KIF13A: variants seen among roughly 807,000 people sequenced by gnomAD.
KIF13A encodes the protein kinesin family member 13A, also known as kinesin-like protein KIF13A.
Under a neutral mutation model 212.2 loss-of-function variants are expected in KIF13A, and 79 were observed. The ratio of observed to expected loss-of-function variants is 0.37; its 90% CI spans 0.31 to 0.45. The LOEUF is 0.45. Ranked by LOEUF, KIF13A falls within the 20% of genes least tolerant of loss-of-function variation. KIF13A has a pLI of 1.00. For missense variants in KIF13A, 1,901 were observed against 2,209.0 expected (o/e 0.86, Z 2.79); for synonymous variants, 789 against 808.6 (o/e 0.98, Z 0.41).
In KIF13A at chr6:17,912,890, T is replaced by C. The variant is rs1341577955; in HGVS notation, c.147-14710A>G. ...GTTGAGAACATATTTCTATAATTTC[T>C]CCTTTTCAGAACTCTTCTGAAACTT... is the stretch of plus-strand genomic sequence containing the variant. On this transcript the variant is annotated intron_variant, in intron 2 of 38. Transcript: ENST00000259711. The surrounding 1 kb of genome is among the most constrained non-coding windows in gnomAD (Gnocchi z 4.2). Among the ~76,000 whole-genome samples, 1 of 152,098 alleles carries C rather than the reference T, an allele frequency of 6.6e-6. No individual in the cohort carries two copies. Among genetic ancestry groups the C allele is most frequent in the African/African-American group, 2.4e-5 (1 of 41,414 alleles).
chr6:17,853,624 A>G (rs1250927293), intron 6 of KIF13A, among the ~76,000 whole-genome samples: 1 of 152,218 alleles, frequency 6.6e-6, no homozygotes, highest in Non-Finnish European at 1.5e-5. Context: ...TATTGATGTA[A>G]CCATGCAATG....
intron 2 of KIF13A, among the ~76,000 whole-genome samples, chr6:17,972,532 T>C (rs1779894907): frequency 1.3e-5 from 2 of 152,244 alleles, no homozygotes; most frequent in Admixed American, 1.3e-4. Context: ...AATGTAAGTA[T>C]GTTTAAAGGC....
chr6:17,859,614 T>C (rs988757330), intron 4 of KIF13A, among the ~76,000 whole-genome samples: 8 of 140,268 alleles, frequency 5.7e-5, no homozygotes, highest in Non-Finnish European at 9.3e-5. Context: ...CTGCTGGCAA[T>C]GTATTTTATA....
At chr6:17,943,545 G>T (rs970209414) in intron 2 of KIF13A, among the ~76,000 whole-genome samples, 3 of 151,846 alleles carry the variant, frequency 2.0e-5, no homozygotes, top group African/African-American at 7.3e-5. Flanking sequence ...ACCGCACCCA[G>T]CCAAGTTTCT....
intron 25 of KIF13A, among the ~76,000 whole-genome samples, chr6:17,792,789 T>C (rs1024995889): frequency 6.6e-6 from 1 of 152,202 alleles, no homozygotes; most frequent in African/African-American, 2.4e-5. Flanking sequence ...TGAAGTTCAA[T>C]AGTCTGTGCA....
chr6:17,879,322 G>T (rs1472638191), intron 3 of KIF13A, among the ~76,000 whole-genome samples: 2 of 152,200 alleles, frequency 1.3e-5, no homozygotes, highest in African/African-American at 4.8e-5. Context: ...TACAGGGCAG[G>T]CACTGTATGT....
At chr6:17,873,516 T>C in intron 3 of KIF13A, 79 bp from the exon 4 acceptor site, 1 of 1,020,282 alleles carries the variant, frequency 9.8e-7, no homozygotes, top group Non-Finnish European at 1.5e-6. Flanking sequence ...AAATCACAGG[T>C]GAAGATGAGA....
At chr6:17,833,564 G>C (rs1201618025) in intron 12 of KIF13A, among the ~76,000 whole-genome samples, 1 of 145,890 alleles carries the variant, frequency 6.9e-6, no homozygotes, top group Admixed American at 6.9e-5. Context: ...GCCCTTAAAA[G>C]ACTTTCTGAG....
At chr6:17,853,091 G>C (rs889716204) in intron 6 of KIF13A, among the ~76,000 whole-genome samples, 3 of 152,082 alleles carry the variant, frequency 2.0e-5, no homozygotes, top group African/African-American at 7.2e-5. Flanking sequence ...CCAATATATG[G>C]GAAAAAGGAG....
chr6:17,866,882 C>T (rs893000858), intron 4 of KIF13A, among the ~76,000 whole-genome samples: 1 of 139,436 alleles, frequency 7.2e-6, no homozygotes, highest in African/African-American at 2.7e-5. Flanking sequence ...TATATTTACA[C>T]ACACACATAT....
downstream of KIF13A, among the ~76,000 whole-genome samples, chr6:17,762,594 A>C (rs903918946): frequency 1.3e-5 from 2 of 152,190 alleles, no homozygotes; most frequent in African/African-American, 4.8e-5. Flanking sequence ...AAGCAAACCT[A>C]ATCTTACAGT....
Position 17,950,758 on chromosome 6 carries a change from C to T in KIF13A, c.146+36296G>A, listed in dbSNP as rs148862114. 1.8e-5 allele frequency: 18 copies of T among 981,008 alleles called. No individual in the cohort carries two copies. The East Asian group carries it at 1.9e-3, about 106-fold the overall frequency. 60.8% of individuals were successfully genotyped at this position (981,008 alleles called of 1,614,324 possible). On this transcript the variant is annotated intron_variant, in intron 2 of 38. Transcript: ENST00000259711. ...ACTCAAAAGATACTTAGAAATAACC[C>T]TTATCCACCCAACTAGAAAAATCTC...
intron 2 of KIF13A, among the ~76,000 whole-genome samples, chr6:17,948,793 T>C (rs1022064980): frequency 6.6e-6 from 1 of 151,996 alleles, no homozygotes; most frequent in Non-Finnish European, 1.5e-5. Flanking sequence ...CTCAAACTCC[T>C]GACCTCAAAT....
Position 17,987,567 on chromosome 6 carries a change from C to T in KIF13A, c.-104G>A. 1 of 562,838 alleles carries T rather than the reference C, an allele frequency of 1.8e-6. No individual in the cohort carries two copies. The highest frequency in any genetic ancestry group is 2.2e-6 in the Non-Finnish European group (1 of 445,794). The allele number at this position is 562,838 out of a possible 1,614,324, so 34.9% of individuals were successfully genotyped here. Reference sequence around the variant, plus strand: ...CAGCCGCGCGCCCCTCGAGCGCGGCCGCCGCCGCTCCGCCGTGAGCTCCGA... The same window carrying T: ...CAGCCGCGCGCCCCTCGAGCGCGGCTGCCGCCGCTCCGCCGTGAGCTCCGA... On this transcript the variant is annotated 5_prime_UTR_variant, in exon 1 of 39. Transcript: ENST00000259711. The surrounding 1 kb of genome is among the most constrained non-coding windows in gnomAD (Gnocchi z 7.7).
intron 4 of KIF13A, among the ~76,000 whole-genome samples, chr6:17,869,017 A>AC (rs1769720109): frequency 6.8e-6 from 1 of 146,070 alleles, no homozygotes; most frequent in Non-Finnish European, 1.5e-5. Flanking sequence ...AAAAAAAAAA[A>AC]AAACACAAAT....
At chr6:17,827,885 T>C (rs1765110363) in intron 14 of KIF13A, among the ~76,000 whole-genome samples, 1 of 152,134 alleles carries the variant, frequency 6.6e-6, no homozygotes, top group African/African-American at 2.4e-5. Context: ...AAATAGTTAA[T>C]TGAAGGTTAA....
chr6:17,936,872 G>C (rs563877321), intron 2 of KIF13A, among the ~76,000 whole-genome samples: 13 of 152,274 alleles, frequency 8.5e-5, no homozygotes, highest in Non-Finnish European at 2.9e-5. Context: ...CAACCAGAAT[G>C]TTTGTTAGGG....
chr6:17,986,962 A>G lies in KIF13A; in HGVS notation c.146+92T>C. On this transcript the variant is annotated intron_variant, in intron 2 of 38. Coordinates refer to ENST00000259711, the MANE Select transcript of KIF13A (RefSeq NM_022113.6). ...ACAAACTTGAAGCCGTCCTCCTAAC[A>G]ATAGGAAAGAGCACTCCCATTTTCC... 7.8e-6 allele frequency: 7 copies of G among 896,198 alleles called. No individual in the cohort carries two copies. The South Asian group carries it at 9.8e-5, about 12-fold the overall frequency. The allele number at this position is 896,198 out of a possible 1,614,324, so 55.5% of individuals were successfully genotyped here. A position where few individuals can be genotyped will look rare whatever the true frequency, so the allele number is the denominator to read the frequency against.
At position 17,987,171 on chromosome 6, in the gene KIF13A, C is replaced by G. The variant is rs1408290195; in HGVS notation, c.56-27G>C. ...TGAAAGCAGAGAGAAAGGGACGTTGCAAAGTCCAGCATCCGCGCCTCCAGC... is the reference window on the plus strand; with the variant it reads ...TGAAAGCAGAGAGAAAGGGACGTTGGAAAGTCCAGCATCCGCGCCTCCAGC... On this transcript the variant is annotated intron_variant, in intron 1 of 38. Transcript: ENST00000259711. This position sits in a 1 kb window ranked among gnomAD's most constrained non-coding sequence, Gnocchi z 7.7. 5 of 1,568,154 alleles carry G rather than the reference C, an allele frequency of 3.2e-6. No individual in the cohort carries two copies. The Admixed American group carries it at 6.8e-5, about 21-fold the overall frequency.
Sources: gnomAD v4.1 joint callset for allele counts (sites outside exome capture counted in the v4.1 genomes callset) on GRCh38, gnomAD v4.1.1 for gene constraint, Gnocchi (gnomAD v3.1) non-coding constraint, MANE v1.5 for transcripts, NCBI Gene and HGNC (gene_info 2026-07-23, HGNC 2026-07-21) for gene names.